Variants in TCF20 observed in about 807,000 individuals in gnomAD.
TCF20 encodes SPRE-binding protein.
Under a neutral mutation model 148.6 loss-of-function variants are expected in TCF20, and 3 were observed. The ratio of observed to expected loss-of-function variants is 0.02; its 90% CI spans 0.01 to 0.05. The LOEUF (loss-of-function observed/expected upper bound fraction) is 0.05. Ranked by LOEUF, TCF20 falls within the 10% of genes least tolerant of loss-of-function variation. The pLI is 1.00. For synonymous variants in TCF20, 1,049 were observed against 909.5 expected, an observed-to-expected ratio of 1.15 and a Z score of -2.76; for missense variants, 2,350 against 2,429.3, an observed-to-expected ratio of 0.97 and a Z score of 0.69.
chr22:42,314,712 C>T (rs376617023), intron 1 of TCF20, among the ~76,000 whole-genome samples: 1 of 152,230 alleles, frequency 6.6e-6, no homozygotes, highest in African/African-American at 2.4e-5. Context: ...CTGACTGGCA[C>T]AGTGCAAGCA....
chr22:42,330,200 G>A (rs1245071774), intron 1 of TCF20, among the ~76,000 whole-genome samples: 2 of 152,208 alleles, frequency 1.3e-5, no homozygotes, highest in Non-Finnish European at 2.9e-5. Context: ...TGCCTTCTAT[G>A]CTGTGGGTCT....
At chr22:42,323,876 T>TGGTGGTGATGGAGGTTATGGTGGTGGA (rs1252409475) in intron 1 of TCF20, among the ~76,000 whole-genome samples, 4 of 129,770 alleles carry the variant, frequency 3.1e-5, no homozygotes, top group African/African-American at 1.1e-4. Context: ...GTGGTGGTGG[T>TGGTGGTGATGGAGGTTATGGTGGTGGA]GGTGGTGATG....
intron 1 of TCF20, among the ~76,000 whole-genome samples, chr22:42,339,514 C>T (rs1315052242): frequency 6.6e-6 from 1 of 152,222 alleles, no homozygotes; most frequent in African/African-American, 2.4e-5. Context: ...CATGGAAGGC[C>T]AAGTGAGGAG....
At chr22:42,218,879 G>A (rs1415866749) in intron 1 of TCF20, among the ~76,000 whole-genome samples, 1 of 150,252 alleles carries the variant, frequency 6.7e-6, no homozygotes, top group Non-Finnish European at 1.5e-5. Flanking sequence ...CTATTGTTAT[G>A]GTTCTACTTT....
At chr22:42,309,157 A>G (rs541662760) in intron 1 of TCF20, among the ~76,000 whole-genome samples, 1 of 152,214 alleles carries the variant, frequency 6.6e-6, no homozygotes, top group East Asian at 1.9e-4. Context: ...GAGGAGACAG[A>G]TAAGAGCGGA....
chr22:42,209,578 G>C (rs1920924200), intron 2 of TCF20, 73 bp downstream of exon 2: 1 of 1,495,086 alleles, frequency 6.7e-7, no homozygotes, highest in Non-Finnish European at 9.0e-7. Context: ...TGACATGTAA[G>C]AACAAAAACA....
At chr22:42,184,165 G>A (rs1192431492) in intron 2 of TCF20, among the ~76,000 whole-genome samples, 2 of 152,088 alleles carry the variant, frequency 1.3e-5, no homozygotes, top group East Asian at 3.9e-4. Context: ...CAATAAAGAA[G>A]GAACTCTGGG....
intron 1 of TCF20, chr22:42,270,022 G>T: frequency 6.5e-6 from 1 of 152,762 alleles, no homozygotes; most frequent in Non-Finnish European, 1.5e-5. Context: ...CGCGCGACCA[G>T]CAGGTAGACC....
intron 1 of TCF20, among the ~76,000 whole-genome samples, chr22:42,255,488 A>AAACAAC (rs71746301): frequency 2.4e-4 from 7 of 29,278 alleles, no homozygotes; most frequent in Non-Finnish European, 4.8e-4. Flanking sequence ...ACTTCATCTC[A>AAACAAC]AACAACAACA....
intron 1 of TCF20, among the ~76,000 whole-genome samples, chr22:42,247,582 G>A (rs1243076181): frequency 2.6e-5 from 4 of 152,134 alleles, no homozygotes; most frequent in Non-Finnish European, 5.9e-5. Flanking sequence ...GAGAGGCAGG[G>A]CAGGGTCCTA....
At chr22:42,232,882 C>CA (rs1923560888) in intron 1 of TCF20, among the ~76,000 whole-genome samples, 1 of 151,122 alleles carries the variant, frequency 6.6e-6, no homozygotes, top group Non-Finnish European at 1.5e-5. Flanking sequence ...ACAATAATTG[C>CA]AACTACTTTT....
chr22:42,174,222 A>T (rs1275256929), intron 3 of TCF20, among the ~76,000 whole-genome samples: 1 of 144,204 alleles, frequency 6.9e-6, no homozygotes, highest in African/African-American at 2.7e-5. Context: ...AGTTTACATT[A>T]AAAAAAAAAA....
chr22:42,218,981 TAGG>T (rs915413160), intron 1 of TCF20, among the ~76,000 whole-genome samples: 44 of 151,736 alleles, frequency 2.9e-4, no homozygotes, highest in African/African-American at 1.0e-3. Flanking sequence ...AGCACCTGAG[TAGG>T]AGAAGGTGGT....
chr22:42,328,190 A>C (rs1198396630), intron 1 of TCF20, among the ~76,000 whole-genome samples: 2 of 151,382 alleles, frequency 1.3e-5, no homozygotes, highest in Non-Finnish European at 2.9e-5. Flanking sequence ...GCTGCTCTCT[A>C]CTCGGGAGAA....
chr22:42,321,411 G>A (rs1355969894), intron 1 of TCF20, among the ~76,000 whole-genome samples: 2 of 152,044 alleles, frequency 1.3e-5, no homozygotes, highest in Non-Finnish European at 2.9e-5. Flanking sequence ...CCTCTGGCCA[G>A]GTCACCCTAA....
intron 1 of TCF20, among the ~76,000 whole-genome samples, chr22:42,218,072 G>A (rs1488988788): frequency 6.6e-6 from 1 of 152,180 alleles, no homozygotes; most frequent in East Asian, 1.9e-4. Context: ...GTAGGTAATA[G>A]CTATTCAAAT....
chr22:42,166,730 ACTTT>A (rs1935811938), intron 5 of TCF20, among the ~76,000 whole-genome samples: 1 of 152,218 alleles, frequency 6.6e-6, no homozygotes, highest in African/African-American at 2.4e-5. Context: ...CAGGGCCTGA[ACTTT>A]CTTTTTCTCA....
chr22:42,318,790 G>T (rs1327606307), intron 1 of TCF20, among the ~76,000 whole-genome samples: 1 of 152,212 alleles, frequency 6.6e-6, no homozygotes, highest in Non-Finnish European at 1.5e-5. Context: ...TGCCATCAAG[G>T]CCTGCTGTTC....
intron 1 of TCF20, among the ~76,000 whole-genome samples, chr22:42,319,307 G>A (rs1309296550): frequency 6.6e-6 from 1 of 152,154 alleles, no homozygotes; most frequent in Non-Finnish European, 1.5e-5. Context: ...CACAGGCATG[G>A]GGATCTGGGG....
Sources: gnomAD v4.1 joint callset for allele counts (sites outside exome capture counted in the v4.1 genomes callset) on GRCh38, gnomAD v4.1.1 for gene constraint, MANE v1.5 for transcripts, NCBI Gene and HGNC (gene_info 2026-07-23, HGNC 2026-07-21) for gene names.